FIRRM: variants seen among roughly 807,000 people sequenced by gnomAD.
FIRRM encodes FIGNL1 interacting regulator of recombination and mitosis.
chr1:169,827,365 C>T, the FIRRM span, among the ~76,000 whole-genome samples: 1 of 152,060 alleles, frequency 6.6e-6, no homozygotes, highest in African/African-American at 2.4e-5. Flanking sequence ...TGGCTGGGCA[C>T]AGTGAATCAC....
the FIRRM span, among the ~76,000 whole-genome samples, chr1:169,844,818 A>C: frequency 2.6e-4 from 39 of 152,282 alleles, 1 homozygote; most frequent in Admixed American, 2.2e-3. Context: ...AAATAAGTAG[A>C]TTGTTCAAAG....
At chr1:169,847,849 T>C in the FIRRM span, 1 of 1,309,512 alleles carries the variant, frequency 7.6e-7, no homozygotes, top group Non-Finnish European at 1.1e-6. Flanking sequence ...ACAAAATCTC[T>C]ATAAGAGTTA....
chr1:169,835,771 A>G, the FIRRM span, among the ~76,000 whole-genome samples: 6 of 152,288 alleles, frequency 3.9e-5, no homozygotes, highest in Non-Finnish European at 7.4e-5. Context: ...TAGTTCACTT[A>G]CTTACTGGAC....
chr1:169,837,206 A>G, the FIRRM span: 4 of 909,890 alleles, frequency 4.4e-6, no homozygotes, highest in Non-Finnish European at 6.2e-6. Context: ...TAAGATGCAC[A>G]CACTCTCTGT....
At chr1:169,836,998 G>A in the FIRRM span, 5 of 1,613,800 alleles carry the variant, frequency 3.1e-6, no homozygotes, top group African/African-American at 5.3e-5. Context: ...TTTCCTTCCA[G>A]GCGTTACCTC....
At chr1:169,806,142 A>C in the FIRRM span, 1 of 990,694 alleles carries the variant, frequency 1.0e-6, no homozygotes, top group Non-Finnish European at 1.5e-6. Context: ...ATATTCCCCA[A>C]TCTTAATTAT....
the FIRRM span, chr1:169,847,852 A>G: frequency 7.8e-7 from 1 of 1,288,998 alleles, no homozygotes; most frequent in Non-Finnish European, 1.1e-6. Flanking sequence ...AAATCTCTAT[A>G]AGAGTTAGTG....
chr1:169,801,208 T>C, the FIRRM span, among the ~76,000 whole-genome samples: 7 of 151,964 alleles, frequency 4.6e-5, no homozygotes, highest in African/African-American at 1.7e-4. Flanking sequence ...TCTGAGAGGC[T>C]GAGGTGGGCA....
At chr1:169,823,222 C>T in the FIRRM span, among the ~76,000 whole-genome samples, 33 of 151,034 alleles carry the variant, frequency 2.2e-4, 1 homozygote, top group Admixed American at 2.2e-3. Flanking sequence ...TGTACTGCAG[C>T]CTGGGCAACA....
At chr1:169,788,255 C>G in the FIRRM span, among the ~76,000 whole-genome samples, 2 of 152,182 alleles carry the variant, frequency 1.3e-5, no homozygotes, top group African/African-American at 4.8e-5. Context: ...TCTGCCACCC[C>G]TGAGACAGTA....
chr1:169,827,641 C>CA, the FIRRM span: 270 of 1,548,488 alleles, frequency 1.7e-4, no homozygotes, highest in East Asian at 2.8e-4. Context: ...CTGACTCAAA[C>CA]AAAAAAAAAT....
At chr1:169,810,722 A>C in the FIRRM span, among the ~76,000 whole-genome samples, 1 of 151,682 alleles carries the variant, frequency 6.6e-6, no homozygotes, top group Non-Finnish European at 1.5e-5. Context: ...ACCCATAACA[A>C]CCCCTAAAAT....
At chr1:169,849,557 T>G in the FIRRM span, 1 of 1,614,110 alleles carries the variant, frequency 6.2e-7, no homozygotes, top group Non-Finnish European at 8.5e-7. Flanking sequence ...TGACAGGAGT[T>G]GGCTGCTAGA....
the FIRRM span, chr1:169,792,568 G>T: frequency 2.0e-6 from 3 of 1,513,642 alleles, no homozygotes; most frequent in South Asian, 2.8e-5. Context: ...GATACTCAGT[G>T]AATGTTAATT....
At chr1:169,830,223 G>T in the FIRRM span, 3 of 1,504,250 alleles carry the variant, frequency 2.0e-6, no homozygotes, top group Admixed American at 5.3e-5. Flanking sequence ...GTGAACTTTA[G>T]TATTTAAATA....
At chr1:169,793,508 T>C in the FIRRM span, 4 of 1,614,238 alleles carry the variant, frequency 2.5e-6, no homozygotes, top group Middle Eastern at 6.6e-4. Flanking sequence ...CATTGACTTA[T>C]GTTCCCACAA....
chr1:169,838,165 C>T, the FIRRM span, among the ~76,000 whole-genome samples: 1 of 152,150 alleles, frequency 6.6e-6, no homozygotes, highest in East Asian at 1.9e-4. Context: ...TCACGAACTC[C>T]TGATGTCAGG....
the FIRRM span, among the ~76,000 whole-genome samples, chr1:169,810,196 T>A: frequency 6.6e-6 from 1 of 152,190 alleles, no homozygotes; most frequent in Non-Finnish European, 1.5e-5. Context: ...AGTATCACAT[T>A]GGGTGTTAGG....
the FIRRM span, among the ~76,000 whole-genome samples, chr1:169,845,192 A>G: frequency 6.6e-6 from 1 of 152,248 alleles, no homozygotes; most frequent in Admixed American, 6.5e-5. Flanking sequence ...TACAGAAGTT[A>G]TGTTTACACT....
Sources: gnomAD v4.1 joint callset for allele counts (sites outside exome capture counted in the v4.1 genomes callset) on GRCh38, gnomAD v4.1.1 for gene constraint, MANE v1.5 for transcripts, NCBI Gene and HGNC (gene_info 2026-07-23, HGNC 2026-07-21) for gene names.